Variants in SVEP1 observed in about 807,000 individuals in gnomAD.
The protein encoded by SVEP1 is sushi, von Willebrand factor type A, EGF and pentraxin domain-containing protein 1.
SVEP1 carries 164 observed loss-of-function variants against 367.3 expected under a neutral mutation model. The ratio of observed to expected loss-of-function variants is 0.45; its 90% CI spans 0.39 to 0.51. The LOEUF (loss-of-function observed/expected upper bound fraction) is 0.51. SVEP1 is among the 20% of genes least tolerant of loss of function. SVEP1 has a pLI of 0.00. For missense variants in SVEP1, 4,117 were observed against 4,425.3 expected (o/e 0.93, Z 1.98); for synonymous variants, 1,666 against 1,611.6 (o/e 1.03, Z -0.81).
chr9:110,408,117 C>T lies in SVEP1; in HGVS notation c.7483G>A (p.Ala2495Thr). The T allele has an allele frequency of 6.2e-7, 1 of 1,613,836 alleles. No homozygotes were observed. Among genetic ancestry groups the T allele is most frequent in the South Asian group, 1.1e-5 (1 of 91,042 alleles). Reference protein sequence around the residue: ...HWLGGKPTCKAIECLKPKEIL... With the variant: ...HWLGGKPTCKTIECLKPKEIL... ...TCCTTGGGTTTCAGGCACTCAATGGCTTTACATGTTGGTTTTCCTCCAAGC... is the reference window on the plus strand; with the variant it reads ...TCCTTGGGTTTCAGGCACTCAATGGTTTTACATGTTGGTTTTCCTCCAAGC... Residue 2495 changes from alanine (A) to threonine (T), a missense_variant, in exon 38 of 48, where the codon GCC becomes ACC. Around this residue, in one of 4 missense-constraint regions of SVEP1, gnomAD observed 1,765 missense variants for 1,781.1 expected, o/e 0.99. Transcript: ENST00000374469.
intron 1 of SVEP1, among the ~76,000 whole-genome samples, chr9:110,562,745 G>C (rs1397362757): frequency 6.6e-6 from 1 of 152,058 alleles, no homozygotes; most frequent in Non-Finnish European, 1.5e-5. Context: ...CTGGAGTACA[G>C]TGGCGCAATC....
At chr9:110,578,782 C>T (rs1346669870) in intron 1 of SVEP1, among the ~76,000 whole-genome samples, 1 of 152,172 alleles carries the variant, frequency 6.6e-6, no homozygotes, top group Admixed American at 6.5e-5. Context: ...TCGAAGCCGA[C>T]TATCTAAGGA....
At chr9:110,559,461 T>C (rs557912311) in intron 1 of SVEP1, among the ~76,000 whole-genome samples, 4 of 151,852 alleles carry the variant, frequency 2.6e-5, no homozygotes, top group Non-Finnish European at 5.9e-5. Flanking sequence ...TGCCAGAAAA[T>C]ATGAAAAATG....
chr9:110,579,396 G>A lies in SVEP1; in HGVS notation c.148C>T (p.Pro50Ser), dbSNP rs1830665947. The A allele has an allele frequency of 5.7e-6, 9 of 1,570,876 alleles. No individual in the cohort carries two copies. The highest frequency in any genetic ancestry group is 6.9e-6 in the Non-Finnish European group (8 of 1,159,130). Residue 50 changes from proline (P) to serine (S), a missense_variant, in exon 1 of 48, where the codon CCC becomes TCC. By Grantham distance (74) the Pro-to-Ser change is moderately conservative. Transcript: ENST00000374469. This position sits in a 1 kb window ranked among gnomAD's most constrained non-coding sequence, Gnocchi z 5.3. ...CCCGCCGCTTCGTCGCCAGGAGCGG[G>A]CGGCGCGGGGATACTCCCGGGGGCC... ...PGAPGSIPAP[P>S]APGDEAAGSR...
At chr9:110,373,838 A>G (rs1019630731) in intron 46 of SVEP1, among the ~76,000 whole-genome samples, 4 of 152,160 alleles carry the variant, frequency 2.6e-5, no homozygotes, top group African/African-American at 7.2e-5. Context: ...AACAGATGTC[A>G]AAGTATAGTG....
At position 110,445,899 on chromosome 9, in the gene SVEP1, T is replaced by A. The variant is rs190131563; in HGVS notation, c.4401A>T (p.Thr1467=). ...MKSSDDMNYG[T]PISYAVDNGS... is the part of the protein sequence containing the mutation. ...CGTTATCAACTGCATAGGAGATTGG[T>A]GTTCCATAGTTCATGTCGTCAGAGG... The change falls in exon 26 of 48, where the codon ACA becomes ACT. Residue 1467 remains threonine, a synonymous_variant. Coordinates refer to ENST00000374469, the MANE Select transcript of SVEP1 (RefSeq NM_153366.4). 1 of 1,613,960 alleles carries A rather than the reference T, an allele frequency of 6.2e-7. No homozygotes were observed. Among genetic ancestry groups the A allele is most frequent in the African/African-American group, 1.3e-5 (1 of 75,050 alleles).
At chr9:110,410,580 T>G (rs1453164606) in intron 37 of SVEP1, among the ~76,000 whole-genome samples, 1 of 152,242 alleles carries the variant, frequency 6.6e-6, no homozygotes. Context: ...ACTTCCTATT[T>G]AGGGCTAAGC....
At chr9:110,527,201 T>C (rs771605722) in intron 3 of SVEP1, among the ~76,000 whole-genome samples, 4 of 151,992 alleles carry the variant, frequency 2.6e-5, no homozygotes, top group Non-Finnish European at 5.9e-5. Flanking sequence ...ATAGAGGATA[T>C]CCTTTAAAGT....
At chr9:110,505,438 C>T (rs924150418) in intron 5 of SVEP1, among the ~76,000 whole-genome samples, 1 of 152,200 alleles carries the variant, frequency 6.6e-6, no homozygotes, top group Non-Finnish European at 1.5e-5. Flanking sequence ...GACCTGCCCC[C>T]TAGAATAACG....
chr9:110,406,049 G>C, intron 38 of SVEP1, 111 bp downstream of exon 38: 3 of 1,345,556 alleles, frequency 2.2e-6, no homozygotes, highest in Non-Finnish European at 2.9e-6. Context: ...AGTGTTTGGA[G>C]AGCAGTTCAG....
At chr9:110,382,303 G>C (rs954530394) in intron 43 of SVEP1, among the ~76,000 whole-genome samples, 9 of 152,062 alleles carry the variant, frequency 5.9e-5, no homozygotes, top group Non-Finnish European at 1.0e-4. Flanking sequence ...GTGTTTTCTT[G>C]TCTGAAAAGG....
At chr9:110,517,731 T>C (rs144769721) in intron 3 of SVEP1, among the ~76,000 whole-genome samples, 3 of 110,908 alleles carry the variant, frequency 2.7e-5, no homozygotes, top group East Asian at 2.5e-4. Flanking sequence ...GCCTGGATGA[T>C]AGACCAAGAA....
chr9:110,483,871 G>C lies in SVEP1; in HGVS notation c.1931-178C>G, dbSNP rs535421695. Among the ~76,000 whole-genome samples the C allele has an allele frequency of 4.6e-5, 7 of 152,276 alleles. 1 individual carries two copies. The South Asian group carries it at 1.4e-3, about 32-fold the overall frequency. ...CCCTGATCCCCAACACCAAAGGAAA[G>C]AGCTGCTTTTGCTATACTTCCCCCA... On this transcript the variant is annotated intron_variant, in intron 9 of 47. Coordinates refer to ENST00000374469, the MANE Select transcript of SVEP1 (RefSeq NM_153366.4).
chr9:110,444,110 A>G (rs969073574), intron 26 of SVEP1, among the ~76,000 whole-genome samples: 2 of 152,352 alleles, frequency 1.3e-5, no homozygotes, highest in Middle Eastern at 3.4e-3. Context: ...TAAGTTTCTT[A>G]AGACCAAGAA....
chr9:110,521,280 A>C (rs1564166382), intron 3 of SVEP1, among the ~76,000 whole-genome samples: 1 of 152,190 alleles, frequency 6.6e-6, no homozygotes, highest in East Asian at 1.9e-4. Flanking sequence ...ACCTCTGTAG[A>C]ATGCATTAGC....
At position 110,411,138 on chromosome 9, in the gene SVEP1, C is replaced by T. The variant is rs1828037902; in HGVS notation, c.6573G>A (p.Gln2191=). The T allele has an allele frequency of 1.9e-6, 3 of 1,613,858 alleles. No homozygotes were observed. In the South Asian group the frequency reaches 3.3e-5, roughly 18 times the overall value. The change falls in exon 37 of 48, where the codon CAG becomes CAA. Residue 2191 remains glutamine (Q), a synonymous_variant. Coordinates refer to ENST00000374469, the MANE Select transcript of SVEP1 (RefSeq NM_153366.4). ...EKKSTCEATG[Q]WSSPIPTCHP... ...GGCACGTCGGTATAGGACTACTCCA[C>T]TGCCCTGTGGCTTCGCAGGTGCTCT...
intron 11 of SVEP1, among the ~76,000 whole-genome samples, chr9:110,481,791 C>T (rs1216672616): frequency 6.6e-6 from 1 of 152,158 alleles, no homozygotes; most frequent in Non-Finnish European, 1.5e-5. Context: ...CGACTCACTG[C>T]AGCCTCTGCC....
At chr9:110,454,093 T>G (rs1237338650) in intron 22 of SVEP1, among the ~76,000 whole-genome samples, 1 of 152,204 alleles carries the variant, frequency 6.6e-6, no homozygotes, top group Non-Finnish European at 1.5e-5. Context: ...AAGCTCCTTA[T>G]AGATTCTGAA....
intron 1 of SVEP1, among the ~76,000 whole-genome samples, chr9:110,553,451 G>T (rs1163311332): frequency 6.6e-6 from 1 of 152,176 alleles, no homozygotes; most frequent in Non-Finnish European, 1.5e-5. Context: ...TACAAACACA[G>T]TTTCTCTTCC....
Sources: gnomAD v4.1 joint callset for allele counts (sites outside exome capture counted in the v4.1 genomes callset) on GRCh38, gnomAD v4.1.1 for gene constraint, gnomAD v4.1.1 regional missense constraint, Gnocchi (gnomAD v3.1) non-coding constraint, MANE v1.5 for transcripts, NCBI Gene and HGNC (gene_info 2026-07-23, HGNC 2026-07-21) for gene names.